Variants in GBE1 observed in about 807,000 individuals in gnomAD.
GBE1 encodes 1,4-alpha-glucan branching enzyme 1.
In GBE1, 70 loss-of-function variants were observed where a neutral mutation model predicts 88.8. That is an observed-to-expected ratio of 0.79 (90% CI 0.65 to 0.96). The LOEUF is 0.96. Among genes scored for constraint, GBE1 ranks in the 40% least tolerant of loss-of-function variants. GBE1 has a pLI of 0.00. For synonymous variants in GBE1, 284 were observed against 300.1 expected (o/e 0.95, Z 0.56); for missense variants, 872 against 871.0 (o/e 1.00, Z -0.01).
At chr3:81,518,773 A>G (rs536196243) in intron 14 of GBE1, among the ~76,000 whole-genome samples, 1 of 151,688 alleles carries the variant, frequency 6.6e-6, no homozygotes, top group South Asian at 2.1e-4. Context: ...TATTAAATAT[A>G]AAATTGTTAG....
At chr3:81,744,992 CT>C (rs1408335688) in intron 1 of GBE1, among the ~76,000 whole-genome samples, 1 of 152,130 alleles carries the variant, frequency 6.6e-6, no homozygotes, top group African/African-American at 2.4e-5. Flanking sequence ...AGAAGATATG[CT>C]TTCATCTGTA....
chr3:81,676,338 T>C (rs1705251822), intron 2 of GBE1, among the ~76,000 whole-genome samples: 1 of 152,118 alleles, frequency 6.6e-6, no homozygotes, highest in South Asian at 2.1e-4. Flanking sequence ...GCTTGTCTAG[T>C]TTCTCTTGAT....
intron 1 of GBE1, among the ~76,000 whole-genome samples, chr3:81,754,193 A>G (rs987704519): frequency 5.9e-5 from 9 of 152,154 alleles, no homozygotes; most frequent in African/African-American, 2.2e-4. Context: ...AAATCCAGAA[A>G]GCAATCCCAT....
chr3:81,549,464 G>A (rs1029416319), intron 12 of GBE1, among the ~76,000 whole-genome samples: 1 of 151,574 alleles, frequency 6.6e-6, no homozygotes, highest in Non-Finnish European at 1.5e-5. Flanking sequence ...TTAAGGAATT[G>A]AGCTTGACTT....
At chr3:81,518,425 G>A (rs1056081007) in intron 14 of GBE1, among the ~76,000 whole-genome samples, 1 of 151,362 alleles carries the variant, frequency 6.6e-6, no homozygotes. Flanking sequence ...ATTCATTACT[G>A]CCTATAATCT....
intron 7 of GBE1, chr3:81,612,544 T>A: frequency 2.4e-6 from 2 of 823,672 alleles, no homozygotes; most frequent in Admixed American, 1.8e-5. Context: ...GTGCGAACAC[T>A]GGTGGATGGT....
intron 7 of GBE1, among the ~76,000 whole-genome samples, chr3:81,631,529 G>T (rs370781657): frequency 2.0e-5 from 3 of 151,684 alleles, no homozygotes; most frequent in African/African-American, 7.3e-5. Flanking sequence ...AAGGTCAGGA[G>T]ATCGAAAACA....
intron 7 of GBE1, among the ~76,000 whole-genome samples, chr3:81,606,676 C>T (rs1419555262): frequency 1.3e-5 from 2 of 152,212 alleles, no homozygotes; most frequent in Admixed American, 6.5e-5. Flanking sequence ...ATTCTCTTCC[C>T]TTGAGTCAGA....
chr3:81,705,414 C>T, intron 2 of GBE1, 30 bp downstream of exon 2: 1 of 1,444,296 alleles, frequency 6.9e-7, no homozygotes, highest in Non-Finnish European at 9.3e-7. Flanking sequence ...TAAGATATTA[C>T]TATTTAGTTC....
In GBE1 at chr3:81,646,467, T is replaced by C. The variant is rs1375692126; in HGVS notation, c.707A>G (p.Gln236Arg). ...AGCATGCTCCATGATTGCCATCAAC[T>C]GAATGCAGTTGTATCCTATATAAGG... ...RIKGLGYNCI[Q>R]LMAIMEHAYY... The change falls in exon 6 of 16, where the codon CAG (glutamine) becomes CGG (arginine). Residue 236 changes from glutamine (Q) to arginine (R), a missense_variant. Physicochemically the swap from Gln to Arg is conservative, Grantham distance 43. Coordinates refer to ENST00000429644, the MANE Select transcript of GBE1 (RefSeq NM_000158.4). 3 of 1,594,770 alleles carry C rather than the reference T, an allele frequency of 1.9e-6. No homozygotes were observed. Among genetic ancestry groups the C allele is most frequent in the African/African-American group, 2.7e-5 (2 of 74,170 alleles).
At chr3:81,573,775 C>CTGTGTG (rs61048893) in intron 12 of GBE1, among the ~76,000 whole-genome samples, 11,972 of 148,844 alleles carry the variant, frequency 0.08, 625 homozygotes, top group East Asian at 0.21. Context: ...CTCTCTCTCT[C>CTGTGTG]TGTGTGTGTG....
chr3:81,594,277 T>C (rs1257042157), intron 7 of GBE1, among the ~76,000 whole-genome samples: 1 of 152,074 alleles, frequency 6.6e-6, no homozygotes, highest in Admixed American at 6.6e-5. Flanking sequence ...AGGGAAAACA[T>C]TTTTTAACAT....
chr3:81,631,745 CA>C (rs201104083), intron 7 of GBE1, among the ~76,000 whole-genome samples: 6,426 of 119,948 alleles, frequency 0.054, 429 homozygotes, highest in East Asian at 0.37. Context: ...GACTCTGTCT[CA>C]AAAAAAAAAA....
chr3:81,620,031 A>G (rs1253223142), intron 7 of GBE1, among the ~76,000 whole-genome samples: 3 of 152,052 alleles, frequency 2.0e-5, no homozygotes, highest in Non-Finnish European at 4.4e-5. Flanking sequence ...TTGCAAATTA[A>G]TTTATTTAAA....
At chr3:81,623,993 T>C (rs77228604) in intron 7 of GBE1, among the ~76,000 whole-genome samples, 1,525 of 152,188 alleles carry the variant, frequency 0.01, 20 homozygotes, top group African/African-American at 0.035. Flanking sequence ...TAATATAGGA[T>C]CTGTATTAGT....
At chr3:81,504,569 T>C (rs768247908) in intron 14 of GBE1, among the ~76,000 whole-genome samples, 1 of 152,174 alleles carries the variant, frequency 6.6e-6, no homozygotes, top group Admixed American at 6.5e-5. Flanking sequence ...TAAAATATTA[T>C]GATTTCTTAT....
intron 1 of GBE1, among the ~76,000 whole-genome samples, chr3:81,709,771 C>A (rs1705830963): frequency 6.6e-6 from 1 of 152,096 alleles, no homozygotes. Context: ...GCTTCTGATA[C>A]AGAAATACAC....
At chr3:81,506,275 G>GAT (rs1354079628) in intron 14 of GBE1, among the ~76,000 whole-genome samples, 3 of 152,156 alleles carry the variant, frequency 2.0e-5, no homozygotes, top group African/African-American at 7.2e-5. Flanking sequence ...TTCAAAAGAA[G>GAT]ATATACAAGC....
intron 12 of GBE1, among the ~76,000 whole-genome samples, chr3:81,565,134 T>C (rs1362499709): frequency 2.6e-5 from 4 of 152,210 alleles, no homozygotes; most frequent in Admixed American, 6.6e-5. Flanking sequence ...CCATTTGGAA[T>C]ATACGCTATT....
Sources: gnomAD v4.1 joint callset for allele counts (sites outside exome capture counted in the v4.1 genomes callset) on GRCh38, gnomAD v4.1.1 for gene constraint, MANE v1.5 for transcripts, NCBI Gene and HGNC (gene_info 2026-07-23, HGNC 2026-07-21) for gene names.